The following NLRP13 variants were observed in gnomAD, a reference collection of about 807,000 sequenced individuals.
NLRP13 encodes the protein NLR family pyrin domain containing 13, also known as NACHT, LRR and PYD domains-containing protein 13.
Under a neutral mutation model 94.4 loss-of-function variants are expected in NLRP13, and 82 were observed. That is an observed-to-expected ratio of 0.87 (90% confidence interval 0.73 to 1.04). The LOEUF (loss-of-function observed/expected upper bound fraction) is 1.04. Ranked by LOEUF, NLRP13 falls within the 50% of genes least tolerant of loss-of-function variation. The pLI is 0.00. For missense variants in NLRP13, 1,426 were observed against 1,230.8 expected (o/e 1.16, Z -2.37); for synonymous variants, 553 against 464.7 (o/e 1.19, Z -2.45).
chr19:55,918,994 C>G (rs1377000904), intron 4 of NLRP13, among the ~76,000 whole-genome samples: 1 of 151,956 alleles, frequency 6.6e-6, no homozygotes, highest in Admixed American at 6.6e-5. Context: ...GAAAACTGAT[C>G]CAACAACACA....
chr19:55,903,544 T>TC (rs1394874020), intron 8 of NLRP13, among the ~76,000 whole-genome samples: 1 of 152,076 alleles, frequency 6.6e-6, no homozygotes, highest in Non-Finnish European at 1.5e-5. Flanking sequence ...TCTTCTAGAT[T>TC]CCCGCAGTCC....
At position 55,924,082 on chromosome 19, in the gene NLRP13, G is replaced by T. The variant is rs80053908; in HGVS notation, c.458-103C>A. On this transcript the variant is annotated intron_variant, in intron 3 of 10. Coordinates refer to ENST00000342929, the MANE Select transcript of NLRP13 (RefSeq NM_176810.2). ...AACCAACTCTTTCTATGGCAAACTTGAGAGTGAAGAGACTGGAGAAATCAG... is the reference window on the plus strand; with the variant it reads ...AACCAACTCTTTCTATGGCAAACTTTAGAGTGAAGAGACTGGAGAAATCAG... 2,934 of 840,274 alleles carry T rather than the reference G, an allele frequency of 3.5e-3. 63 individuals carry two copies. The African/African-American group carries it at 0.043, about 12-fold the overall frequency. The allele number at this position is 840,274 out of a possible 1,614,324, so 52.1% of individuals were successfully genotyped here.
chr19:55,912,428 C>A lies in NLRP13; in HGVS notation c.1389G>T (p.Leu463Phe). 5 of 1,614,126 alleles carry A rather than the reference C, an allele frequency of 3.1e-6. No individual in the cohort carries two copies. In the South Asian group the frequency reaches 3.3e-5, roughly 11 times the overall value. Residue 463 changes from leucine to phenylalanine, a missense_variant, in exon 5 of 11, where the codon TTG (leucine) becomes TTT (phenylalanine). By Grantham distance (22) the Leu-to-Phe change is conservative. Coordinates refer to ENST00000342929, the MANE Select transcript of NLRP13 (RefSeq NM_176810.2). ...CCAAATCTACCTCTGCTGTGGAGAA[C>A]AAGTTGGAGAAAAAATAGGCATACA... ...TSLYAYFFSN[L>F]FSTAEVDLAD...
chr19:55,917,312 G>A (rs1986697579), intron 4 of NLRP13, among the ~76,000 whole-genome samples: 1 of 151,758 alleles, frequency 6.6e-6, no homozygotes, highest in Non-Finnish European at 1.5e-5. Flanking sequence ...TTACACAAAG[G>A]AGAAAGAAAT....
Position 55,907,861 on chromosome 19 carries a change from T to C in NLRP13, c.2378A>G (p.Lys793Arg). ...KLTHLNFSSN[K>R]LGMTVPLILK... ...AATCAGGGGGACAGTCATTCCCAGCTTGTTAGAGCTGAAGTTCAGATGGGT... is the reference window on the plus strand; with the variant it reads ...AATCAGGGGGACAGTCATTCCCAGCCTGTTAGAGCTGAAGTTCAGATGGGT... The change falls in exon 7 of 11, where the codon AAG (lysine) becomes AGG (arginine). Residue 793 changes from lysine (K) to arginine (R), a missense_variant. Lys to Arg is a conservative substitution (Grantham distance 26, BLOSUM62 2). Coordinates refer to ENST00000342929, the MANE Select transcript of NLRP13 (RefSeq NM_176810.2). 2 of 1,613,876 alleles carry C rather than the reference T, an allele frequency of 1.2e-6. No homozygotes were observed. Among genetic ancestry groups the C allele is most frequent in the Non-Finnish European group, 1.7e-6 (2 of 1,179,888 alleles).
chr19:55,926,654 G>T (rs1197819691), intron 1 of NLRP13, among the ~76,000 whole-genome samples: 1 of 152,084 alleles, frequency 6.6e-6, no homozygotes, highest in Non-Finnish European at 1.5e-5. Context: ...ACATAATTAT[G>T]CACTTAAGTC....
chr19:55,920,846 A>T (rs1263821077), intron 4 of NLRP13, among the ~76,000 whole-genome samples: 3 of 152,190 alleles, frequency 2.0e-5, no homozygotes, highest in Non-Finnish European at 2.9e-5. Flanking sequence ...TACGCAATCA[A>T]CCTAAATGTC....
chr19:55,900,292 G>T (rs978146220), intron 9 of NLRP13, among the ~76,000 whole-genome samples: 23 of 152,130 alleles, frequency 1.5e-4, no homozygotes, highest in African/African-American at 5.6e-4. Context: ...TAATCTGGAA[G>T]TTTTTATCAA....
chr19:55,899,627 A>G (rs555739886), intron 9 of NLRP13, among the ~76,000 whole-genome samples: 1 of 152,270 alleles, frequency 6.6e-6, no homozygotes, highest in South Asian at 2.1e-4. Context: ...TAAAAATACA[A>G]GAATTATCCA....
chr19:55,892,288 C>T (rs1225716072), downstream of NLRP13, among the ~76,000 whole-genome samples: 9 of 152,202 alleles, frequency 5.9e-5, no homozygotes, highest in East Asian at 7.7e-4. Flanking sequence ...AGTATAGCAC[C>T]TGAAAGTACT....
downstream of NLRP13, among the ~76,000 whole-genome samples, chr19:55,893,771 CA>C (rs1184962649): frequency 2.6e-5 from 4 of 152,166 alleles, no homozygotes; most frequent in Admixed American, 6.5e-5. Flanking sequence ...GAGCGTTCTA[CA>C]AGAGGAGGCG....
intron 8 of NLRP13, 106 bp from the exon 9 acceptor site, chr19:55,902,311 C>T (rs1014046589): frequency 1.9e-5 from 17 of 896,358 alleles, no homozygotes; most frequent in Non-Finnish European, 2.9e-5. Flanking sequence ...TGCAGCAGCT[C>T]CCTGGACGAC....
downstream of NLRP13, chr19:55,895,825 T>TC: frequency 1.8e-6 from 2 of 1,089,974 alleles, no homozygotes; most frequent in Non-Finnish European, 2.7e-6. Flanking sequence ...TACTGGAAGT[T>TC]CCGTTGGCCT....
intron 9 of NLRP13, among the ~76,000 whole-genome samples, chr19:55,901,358 G>A (rs1350084566): frequency 6.6e-6 from 1 of 152,182 alleles, no homozygotes; most frequent in Non-Finnish European, 1.5e-5. Context: ...AGACCTGATT[G>A]GCTAAACGTT....
downstream of NLRP13, among the ~76,000 whole-genome samples, chr19:55,894,930 G>A (rs896748455): frequency 6.6e-6 from 1 of 152,208 alleles, no homozygotes; most frequent in Non-Finnish European, 1.5e-5. Context: ...TTAGCGACAT[G>A]TGGCTGTTAA....
chr19:55,930,862 T>C (rs1399725177), intron 1 of NLRP13, among the ~76,000 whole-genome samples: 6 of 75,646 alleles, frequency 7.9e-5, no homozygotes, highest in Non-Finnish European at 1.4e-4. Flanking sequence ...TTACAGGAGA[T>C]AGAATCAGTG....
At chr19:55,915,563 A>T (rs1600271868) in intron 4 of NLRP13, among the ~76,000 whole-genome samples, 1 of 152,300 alleles carries the variant, frequency 6.6e-6, no homozygotes, top group East Asian at 1.9e-4. Flanking sequence ...GCACCACTGT[A>T]CTCCAGCCTG....
At chr19:55,926,199 A>G (rs996514584) in intron 1 of NLRP13, among the ~76,000 whole-genome samples, 7 of 152,232 alleles carry the variant, frequency 4.6e-5, no homozygotes, top group Non-Finnish European at 8.8e-5. Flanking sequence ...ACTGTCAAGT[A>G]TCAGGCATCA....
At chr19:55,906,871 A>G (rs1320332661) in intron 7 of NLRP13, among the ~76,000 whole-genome samples, 3 of 152,218 alleles carry the variant, frequency 2.0e-5, no homozygotes, top group Admixed American at 6.5e-5. Flanking sequence ...CAGCAAGAGC[A>G]GCATGACGTG....
Sources: allele counts gnomAD v4.1 joint callset (sites outside exome capture counted in the v4.1 genomes callset), GRCh38; gene constraint gnomAD v4.1.1; transcripts MANE v1.5; gene names NCBI Gene and HGNC (gene_info 2026-07-23, HGNC 2026-07-21).